The following CTSL variants were observed in gnomAD, a reference collection of about 807,000 sequenced individuals.
CTSL encodes the protein procathepsin L.
Under a neutral mutation model 34.7 loss-of-function variants are expected in CTSL, and 23 were observed. The observed-to-expected ratio is 0.66, with a 90% confidence interval of 0.48 to 0.94. The LOEUF is 0.94. CTSL is among the 40% of genes least tolerant of loss of function. The pLI, the probability that CTSL is intolerant of heterozygous loss-of-function variation, is 0.00. For synonymous variants in CTSL, 129 were observed against 136.7 expected, an observed-to-expected ratio of 0.94 and a Z score of 0.39; for missense variants, 361 against 406.3, an observed-to-expected ratio of 0.89 and a Z score of 0.96.
intron 5 of CTSL, among the ~76,000 whole-genome samples, chr9:87,729,360 T>TTA (rs1826166216): frequency 6.6e-6 from 1 of 152,212 alleles, no homozygotes. Flanking sequence ...GAAAAATGTC[T>TTA]TATGGAAGTA....
rs1826136273 is a variant in CTSL, at chr9:87,728,654, G to T, written c.466G>T (p.Gly156Trp). Residue 156 changes from glycine (G) to tryptophan (W), a missense_variant, in exon 5 of 8, where the codon GGG (glycine) becomes TGG (tryptophan). Transcript: ENST00000343150. ...ALEGQMFRKT[G>W]RLISLSEQNL... ...TGAAGGACAGATGTTCCGGAAAACT[G>T]GGAGGCTTATCTCACTGAGTGAGCA... 6.2e-7 allele frequency: 1 copy of T among 1,613,960 alleles called. No individual in the cohort carries two copies.
rs11541203 is a variant in CTSL at position 87,729,089 on chromosome 9, G to A, written c.621+280G>A. ...CTGTGGTCCCAGCTATGCTGAGGTAGGGCGATTGCTTGAGTGTGGGAGGTG... is the reference window on the plus strand; with the variant it reads ...CTGTGGTCCCAGCTATGCTGAGGTAAGGCGATTGCTTGAGTGTGGGAGGTG... On this transcript the variant is annotated intron_variant, in intron 5 of 7. Transcript: ENST00000343150. The A allele has an allele frequency of 2.2e-4, 170 of 763,212 alleles. No individual in the cohort carries two copies. The African/African-American group carries it at 2.7e-3, about 12-fold the overall frequency. The allele number at this position is 763,212 out of a possible 1,614,324, so 47.3% of individuals were successfully genotyped here.
intron 1 of CTSL, 136 bp from the exon 2 acceptor site, chr9:87,727,458 A>G (rs1826061898): frequency 2.1e-6 from 2 of 939,536 alleles, no homozygotes; most frequent in South Asian, 3.5e-5. Context: ...GGCCTCTTCC[A>G]CAGTCCTTGG....
Position 87,730,397 on chromosome 9 carries a change from A to G in CTSL, c.801A>G (p.Pro267=). The G allele has an allele frequency of 6.2e-7, 1 of 1,610,460 alleles. No homozygotes were observed. The highest frequency in any genetic ancestry group is 8.5e-7 in the Non-Finnish European group (1 of 1,178,752). The change falls in exon 7 of 8, where the codon CCA becomes CCG. Residue 267 remains proline, a synonymous_variant. Coordinates refer to ENST00000343150, the MANE Select transcript of CTSL (RefSeq NM_001912.5). Reference sequence around the variant, plus strand: ...CCATCCCAGGCATTTATTTTGAGCCAGACTGTAGCAGTGAAGACATGGATC... The same window carrying G: ...CCATCCCAGGCATTTATTTTGAGCCGGACTGTAGCAGTGAAGACATGGATC... ...LFYKEGIYFE[P]DCSSEDMDHG... is the part of the protein sequence containing the mutation.
Position 87,728,266 on chromosome 9 carries a change from G to A in CTSL, c.266G>A (p.Arg89Lys). 6.2e-7 allele frequency: 1 copy of A among 1,614,184 alleles called. No individual in the cohort carries two copies. Among genetic ancestry groups the A allele is most frequent in the Non-Finnish European group, 8.5e-7 (1 of 1,180,032 alleles). ...AFGDMTSEEF[R>K]QVMNGFQNRK... is the part of the protein sequence containing the mutation. Reference sequence around the variant, plus strand: ...TCCTTGAAGACCAGTGAAGAATTCAGGCAGGTGATGAATGGCTTTCAAAAC... The same window carrying A: ...TCCTTGAAGACCAGTGAAGAATTCAAGCAGGTGATGAATGGCTTTCAAAAC... Residue 89 changes from arginine to lysine, a missense_variant, in exon 4 of 8, where the codon AGG becomes AAG. Physicochemically the swap from Arg to Lys is conservative, Grantham distance 26. Transcript: ENST00000343150.
intron 4 of CTSL, 42 bp downstream of exon 4, chr9:87,728,438 A>T (rs1281283908): frequency 6.3e-7 from 1 of 1,593,706 alleles, no homozygotes; most frequent in Non-Finnish European, 8.5e-7. Flanking sequence ...TTCCCAGGAA[A>T]GCCAAGAAGT....
chr9:87,728,523 T>C, intron 4 of CTSL, 62 bp from the exon 5 acceptor site: 2 of 1,579,462 alleles, frequency 1.3e-6, no homozygotes, highest in Non-Finnish European at 1.7e-6. Context: ...ATGTGTGAGC[T>C]GTTGTCAAAG....
At chr9:87,729,834 A>G in intron 6 of CTSL, 99 bp downstream of exon 6, 1 of 1,176,364 alleles carries the variant, frequency 8.5e-7, no homozygotes, top group Non-Finnish European at 1.2e-6. Flanking sequence ...CAGTGTAGAT[A>G]TTTAGGTGCT....
Position 87,728,113 on chromosome 9 carries a change from C to T in CTSL, c.213C>T (p.His71=). 6.2e-7 allele frequency: 1 copy of T among 1,614,224 alleles called. No homozygotes were observed. Among genetic ancestry groups the T allele is most frequent in the Non-Finnish European group, 8.5e-7 (1 of 1,180,036 alleles). ...ATCAGGAATACAGGGAAGGGAAACA[C>T]AGCTTCACAATGGCCATGAACGCCT... ...LHNQEYREGK[H]SFTMAMNAFG... The change falls in exon 3 of 8, where the codon CAC becomes CAT. Residue 71 remains histidine (H), a synonymous_variant. Coordinates refer to ENST00000343150, the MANE Select transcript of CTSL (RefSeq NM_001912.5).
chr9:87,727,732 T>G lies in CTSL; in HGVS notation c.126+3T>G, dbSNP rs1826080609. 3 of 1,613,874 alleles carry G rather than the reference T, an allele frequency of 1.9e-6. No homozygotes were observed. Among genetic ancestry groups the G allele is most frequent in the Non-Finnish European group, 2.5e-6 (3 of 1,180,010 alleles). On this transcript the variant is annotated splice_donor_region_variant and intron_variant, in intron 2 of 7. Transcript: ENST00000343150. ...TGCACAACAGATTATACGGCATGGT[T>G]AGTGAAACTTCCCCAGAAAGAATAG...
chr9:87,730,830 A>T (rs1175953544), intron 7 of CTSL, among the ~76,000 whole-genome samples, 178 bp from the exon 8 acceptor site: 2 of 152,188 alleles, frequency 1.3e-5, no homozygotes, highest in Admixed American at 1.3e-4. Flanking sequence ...GGAGGCTGGG[A>T]TGGAAATTAT....
intron 1 of CTSL, 94 bp from the exon 2 acceptor site, chr9:87,727,500 T>C: frequency 8.0e-7 from 1 of 1,247,764 alleles, no homozygotes. Flanking sequence ...TTAAATATTT[T>C]TATTCTACCA....
chr9:87,728,496 T>G, intron 4 of CTSL, 89 bp from the exon 5 acceptor site: 1 of 1,567,016 alleles, frequency 6.4e-7, no homozygotes. Flanking sequence ...TACAGTTCAC[T>G]TTTTAACAGT....
Position 87,730,432 on chromosome 9 carries a change from T to C in CTSL, c.836T>C (p.Leu279Pro). The C allele has an allele frequency of 6.2e-7, 1 of 1,613,422 alleles. No homozygotes were observed. Among genetic ancestry groups the C allele is most frequent in the East Asian group, 2.2e-5 (1 of 44,770 alleles). The change falls in exon 7 of 8, where the codon CTG becomes CCG. Residue 279 changes from leucine to proline, a missense_variant. Leu to Pro is a moderately conservative substitution (Grantham distance 98, BLOSUM62 -3). Transcript: ENST00000343150. Reference protein sequence around the residue: ...CSSEDMDHGVLVVGYGFESTE... With the variant: ...CSSEDMDHGVPVVGYGFESTE... The stretch of plus-strand genomic sequence containing the variant: ...AGTGAAGACATGGATCATGGTGTGC[T>C]GGTGGTTGGCTACGGATTTGAAAGC...
In CTSL at chr9:87,727,858, T is replaced by C. The variant is rs562753729; in HGVS notation, c.126+129T>C. On this transcript the variant is annotated intron_variant, in intron 2 of 7. Coordinates refer to ENST00000343150, the MANE Select transcript of CTSL (RefSeq NM_001912.5). Reference sequence around the variant, plus strand: ...CTAATGGCGTGGATTATGAGCACAATGTGGACATTCATCCTTGTTGTGTCT... The same window carrying C: ...CTAATGGCGTGGATTATGAGCACAACGTGGACATTCATCCTTGTTGTGTCT... 1.9e-4 allele frequency: 263 copies of C among 1,402,864 alleles called. 1 individual carries two copies. The highest frequency in any genetic ancestry group is 1.6e-5 in the Non-Finnish European group (16 of 1,011,288). The allele number at this position is 1,402,864 out of a possible 1,614,324, so 86.9% of individuals were successfully genotyped here. A position where few individuals can be genotyped will look rare whatever the true frequency, so the allele number is the denominator to read the frequency against.
intron 7 of CTSL, 79 bp from the exon 8 acceptor site, chr9:87,730,929 T>C: frequency 9.0e-7 from 1 of 1,108,152 alleles, no homozygotes; most frequent in South Asian, 1.4e-5. Context: ...TCTGGCACAG[T>C]GTTTAAGTTG....
chr9:87,727,263 G>A (rs982384943), intron 1 of CTSL, among the ~76,000 whole-genome samples: 2 of 152,074 alleles, frequency 1.3e-5, no homozygotes, highest in African/African-American at 2.4e-5. Context: ...TGGATCAACC[G>A]TTTCCCGGTT....
In CTSL at chr9:87,729,728, T is replaced by C. The variant is rs764133097; in HGVS notation, c.777T>C (p.Tyr259=). 1.2e-6 allele frequency: 2 copies of C among 1,600,388 alleles called. No homozygotes were observed. Among genetic ancestry groups the C allele is most frequent in the South Asian group, 2.3e-5 (2 of 87,976 alleles). ...IDAGHESFLF[Y]KEGIYFEPDC... ...CAGGTCATGAGTCCTTCCTGTTCTATAAAGAAGGTAAGCATATTTTTCTTT... is the reference window on the plus strand; with the variant it reads ...CAGGTCATGAGTCCTTCCTGTTCTACAAAGAAGGTAAGCATATTTTTCTTT... Residue 259 remains tyrosine, a synonymous_variant, in exon 6 of 8, where the codon TAT becomes TAC. Transcript: ENST00000343150.
At chr9:87,726,563 C>G (rs994438963) in intron 1 of CTSL, among the ~76,000 whole-genome samples, 165 bp downstream of exon 1, 1 of 152,212 alleles carries the variant, frequency 6.6e-6, no homozygotes, top group Non-Finnish European at 1.5e-5. Context: ...CCGGCCCTGC[C>G]ACGCCTGGAG....
Sources: gnomAD v4.1 joint callset for allele counts (sites outside exome capture counted in the v4.1 genomes callset) on GRCh38, gnomAD v4.1.1 for gene constraint, MANE v1.5 for transcripts, NCBI Gene and HGNC (gene_info 2026-07-23, HGNC 2026-07-21) for gene names.